The following TEX48 variants were observed in gnomAD, a reference collection of about 807,000 sequenced individuals.
TEX48 encodes testis-expressed protein 48.
Under a neutral mutation model 13.2 loss-of-function variants are expected in TEX48, and 10 were observed. The ratio of observed to expected loss-of-function variants is 0.75; its 90% CI spans 0.47 to 1.28. The LOEUF is 1.28. Among genes scored for constraint, TEX48 ranks in the 50% most tolerant of loss-of-function variants. The pLI is 0.00. For missense variants in TEX48, 116 were observed against 139.4 expected, an observed-to-expected ratio of 0.83 and a Z score of 0.84; for synonymous variants, 45 against 52.3, an observed-to-expected ratio of 0.86 and a Z score of 0.60.
chr9:114,674,071 G>A (rs1445472017), intron 1 of TEX48, among the ~76,000 whole-genome samples: 1 of 152,152 alleles, frequency 6.6e-6, no homozygotes, highest in Non-Finnish European at 1.5e-5. Context: ...CTCAAAAGGT[G>A]CTGGGATTAC....
chr9:114,675,644 A>T (rs779456617), intron 1 of TEX48, among the ~76,000 whole-genome samples: 2 of 152,170 alleles, frequency 1.3e-5, no homozygotes, highest in Non-Finnish European at 2.9e-5. Flanking sequence ...CTCCACCTAA[A>T]GCTAGAGTTA....
chr9:114,677,120 A>G (rs1319362017), intron 1 of TEX48, among the ~76,000 whole-genome samples: 24 of 152,234 alleles, frequency 1.6e-4, no homozygotes, highest in Admixed American at 1.6e-3. Context: ...GATGCGGGCT[A>G]GACACATACA....
At chr9:114,671,867 T>C (rs1350612644) in intron 1 of TEX48, 40 bp from the exon 2 acceptor site, 2 of 813,568 alleles carry the variant, frequency 2.5e-6, no homozygotes, top group Admixed American at 2.1e-5. Context: ...ATGCTAGTCC[T>C]TCACCTGTGT....
intron 3 of TEX48, 91 bp from the exon 4 acceptor site, chr9:114,668,428 A>C: frequency 8.5e-7 from 1 of 1,172,770 alleles, no homozygotes; most frequent in Non-Finnish European, 1.2e-6. Flanking sequence ...AGCAGCGCAC[A>C]CAGGCAAGTG....
rs1439906073 is a variant in TEX48, at chr9:114,678,597, C to G, written c.-105+3438G>C. 1.3e-5 allele frequency among the ~76,000 whole-genome samples: 2 copies of G among 152,146 alleles called. 1 individual carries two copies. Among genetic ancestry groups the G allele is most frequent in the South Asian group, 4.1e-4 (2 of 4,834 alleles). On this transcript the variant is annotated intron_variant, in intron 1 of 4. Transcript: ENST00000436752. ...AGGCACAGTGGCTCACACCTGTAAT[C>G]CCAGCACTTTGGGAGGCTGAGACAG...
chr9:114,674,551 T>G (rs1027754892), intron 1 of TEX48, among the ~76,000 whole-genome samples: 8 of 151,808 alleles, frequency 5.3e-5, no homozygotes, highest in Non-Finnish European at 1.0e-4. Context: ...TTTCTTTCTC[T>G]CTTTTTCTTC....
At chr9:114,676,069 A>G (rs1422375321) in intron 1 of TEX48, among the ~76,000 whole-genome samples, 1 of 152,224 alleles carries the variant, frequency 6.6e-6, no homozygotes, top group Non-Finnish European at 1.5e-5. Context: ...CTCATGGTAA[A>G]TGCTTAATAA....
chr9:114,674,648 TCCTTCCTTCCTTCCTTCC>T (rs1828025747), intron 1 of TEX48, among the ~76,000 whole-genome samples: 1 of 126,364 alleles, frequency 7.9e-6, no homozygotes, highest in African/African-American at 3.6e-5. Flanking sequence ...CTTCCTTCCT[TCCTTCCTTCCTTCCTTCC>T]TTCTTTCCTT....
intron 1 of TEX48, among the ~76,000 whole-genome samples, chr9:114,678,355 C>T (rs1828115696): frequency 6.6e-6 from 1 of 152,242 alleles, no homozygotes; most frequent in South Asian, 2.1e-4. Flanking sequence ...TTGCACAACA[C>T]CCACCTAAAA....
At chr9:114,678,832 C>A (rs1828127475) in intron 1 of TEX48, among the ~76,000 whole-genome samples, 2 of 134,290 alleles carry the variant, frequency 1.5e-5, no homozygotes, top group African/African-American at 3.1e-5. Context: ...ACAGGAGATC[C>A]TGACTCAAAA....
At chr9:114,667,343 C>T (rs1004958649) in intron 4 of TEX48, among the ~76,000 whole-genome samples, 1 of 152,164 alleles carries the variant, frequency 6.6e-6, no homozygotes, top group Non-Finnish European at 1.5e-5. Context: ...AACTGGCGCC[C>T]AGCAATGTGG....
At chr9:114,679,688 C>A (rs1156965293) in intron 1 of TEX48, among the ~76,000 whole-genome samples, 1 of 152,184 alleles carries the variant, frequency 6.6e-6, no homozygotes, top group Non-Finnish European at 1.5e-5. Flanking sequence ...CCACGGTGGA[C>A]TATGTCTTCT....
intron 1 of TEX48, 22 bp from the exon 2 acceptor site, chr9:114,671,849 G>A (rs1827955143): frequency 2.9e-6 from 3 of 1,027,722 alleles, no homozygotes; most frequent in Non-Finnish European, 4.4e-6. Flanking sequence ...TAAGACCGTG[G>A]CTGAAAAATG....
chr9:114,674,460 T>C (rs1828012675), intron 1 of TEX48, among the ~76,000 whole-genome samples: 1 of 150,972 alleles, frequency 6.6e-6, no homozygotes, highest in African/African-American at 2.4e-5. Context: ...TTTAACATTA[T>C]AACCCCCTTG....
chr9:114,675,712 A>G (rs1341386913), intron 1 of TEX48, among the ~76,000 whole-genome samples: 3 of 152,154 alleles, frequency 2.0e-5, no homozygotes, highest in African/African-American at 7.2e-5. Flanking sequence ...TGCCCCACCA[A>G]GGGGGTCCCC....
chr9:114,679,526 T>C (rs767765891), intron 1 of TEX48, among the ~76,000 whole-genome samples: 1 of 152,176 alleles, frequency 6.6e-6, no homozygotes, highest in African/African-American at 2.4e-5. Context: ...AAGGGCATTG[T>C]CTATAAATAT....
chr9:114,666,838 A>C (rs1242852450), intron 4 of TEX48, 92 bp from the exon 5 acceptor site: 1 of 670,128 alleles, frequency 1.5e-6, no homozygotes, highest in Non-Finnish European at 2.5e-6. Context: ...ATTGCTGATC[A>C]TTCCTCAGCT....
Position 114,666,632 on chromosome 9 carries a change from G to A in TEX48, c.*11C>T, listed in dbSNP as rs547207700. On this transcript the variant is annotated 3_prime_UTR_variant, in exon 5 of 5. Transcript: ENST00000436752. Reference sequence around the variant, plus strand: ...ATGCCCCAGCAGCTGTGCAGCCGCCGGCTAGAATGCTCAGGGCCTCCCAGT... The same window carrying A: ...ATGCCCCAGCAGCTGTGCAGCCGCCAGCTAGAATGCTCAGGGCCTCCCAGT... 96 of 1,483,516 alleles carry A rather than the reference G, an allele frequency of 6.5e-5. 1 individual carries two copies. The Admixed American group carries it at 1.3e-3, about 20-fold the overall frequency. The allele number at this position is 1,483,516 out of a possible 1,614,324, so 91.9% of individuals were successfully genotyped here. A position where few individuals can be genotyped will look rare whatever the true frequency, so the allele number is the denominator to read the frequency against.
At chr9:114,677,515 C>T (rs1449164434) in intron 1 of TEX48, among the ~76,000 whole-genome samples, 1 of 152,150 alleles carries the variant, frequency 6.6e-6, no homozygotes, top group Non-Finnish European at 1.5e-5. Flanking sequence ...TATAAAAATG[C>T]TTGCCTCACG....
Sources: allele counts gnomAD v4.1 joint callset (sites outside exome capture counted in the v4.1 genomes callset), GRCh38; gene constraint gnomAD v4.1.1; transcripts MANE v1.5; gene names NCBI Gene and HGNC (gene_info 2026-07-23, HGNC 2026-07-21).